Variants in ADAMTSL1 observed in about 807,000 individuals in gnomAD.
ADAMTSL1 encodes the protein ADAMTS-like protein 1.
Under a neutral mutation model 201.8 loss-of-function variants are expected in ADAMTSL1, and 126 were observed. The observed-to-expected ratio is 0.62, with a 90% CI of 0.54 to 0.72. The LOEUF is 0.72. Among genes scored for constraint, ADAMTSL1 ranks in the 30% least tolerant of loss-of-function variants. The pLI, the probability that ADAMTSL1 is intolerant of heterozygous loss-of-function variation, is 0.00. For synonymous variants in ADAMTSL1, 1,121 were observed against 903.4 expected, an observed-to-expected ratio of 1.24 and a Z score of -4.32; for missense variants, 2,679 against 2,277.8, an observed-to-expected ratio of 1.18 and a Z score of -3.59.
intron 20 of ADAMTSL1, among the ~76,000 whole-genome samples, chr9:18,814,659 C>G (rs1038739861): frequency 6.6e-6 from 1 of 152,152 alleles, no homozygotes; most frequent in African/African-American, 2.4e-5. Flanking sequence ...TGCATGTTCT[C>G]ACCTATAACT....
At chr9:17,921,616 G>A (rs1826304112) in intron 1 of ADAMTSL1, among the ~76,000 whole-genome samples, 1 of 152,042 alleles carries the variant, frequency 6.6e-6, no homozygotes, top group South Asian at 2.1e-4. Flanking sequence ...TTCTGGTTAT[G>A]AGGCACACTT....
In ADAMTSL1 at chr9:18,601,915, G is replaced by C. The variant is rs573538765; in HGVS notation, c.475-20328G>C. Among the ~76,000 whole-genome samples, 16 of 152,096 alleles carry C rather than the reference G, an allele frequency of 1.1e-4. 1 individual carries two copies. The South Asian group carries it at 3.3e-3, about 32-fold the overall frequency. ...GAAGGTTCTTAGAACTTTTAAAAATGACATTTTTATTGGTTAGAGATTCAG... is the reference window on the plus strand; with the variant it reads ...GAAGGTTCTTAGAACTTTTAAAAATCACATTTTTATTGGTTAGAGATTCAG... On this transcript the variant is annotated intron_variant, in intron 4 of 28. Transcript: ENST00000380548.
intron 2 of ADAMTSL1, among the ~76,000 whole-genome samples, chr9:18,329,899 T>A (rs1834963792): frequency 1.3e-5 from 2 of 152,226 alleles, no homozygotes; most frequent in African/African-American, 4.8e-5. Flanking sequence ...CAGGCCATGA[T>A]TTCTTGGAGT....
intron 1 of ADAMTSL1, among the ~76,000 whole-genome samples, chr9:17,952,933 C>A (rs1277130106): frequency 4.1e-5 from 1 of 24,618 alleles, no homozygotes; most frequent in East Asian, 0.02. Flanking sequence ...TCCTCCTCCT[C>A]CTCCTCCTCC....
Position 18,906,863 on chromosome 9 carries a change from G to C in ADAMTSL1, c.5133G>C (p.Gly1711=). ...TGCCTGAGCACCTGTGCTCCTGGGG[G>C]CCCCGGCCTGCCAACTGGCAGCGCT... ...KAVPEHLCSW[G]PRPANWQRCN... The change falls in exon 28 of 29, where the codon GGG becomes GGC. Residue 1711 remains glycine (G), a synonymous_variant. Transcript: ENST00000380548. The C allele has an allele frequency of 6.2e-7, 1 of 1,613,990 alleles. No homozygotes were observed. The highest frequency in any genetic ancestry group is 8.5e-7 in the Non-Finnish European group (1 of 1,179,882).
At chr9:18,540,487 G>T (rs1451330598) in intron 3 of ADAMTSL1, among the ~76,000 whole-genome samples, 1 of 152,154 alleles carries the variant, frequency 6.6e-6, no homozygotes, top group Non-Finnish European at 1.5e-5. Flanking sequence ...ATGTTTGGAA[G>T]GTGAGGCATG....
At chr9:18,837,414 G>A (rs558897439) in intron 23 of ADAMTSL1, among the ~76,000 whole-genome samples, 261 of 152,208 alleles carry the variant, frequency 1.7e-3, no homozygotes, top group African/African-American at 5.8e-3. Context: ...TCTTATATAC[G>A]TGGGTATATT....
chr9:18,248,447 T>A (rs1394694498), intron 2 of ADAMTSL1, among the ~76,000 whole-genome samples: 7 of 152,020 alleles, frequency 4.6e-5, no homozygotes. Flanking sequence ...AGGGGCTAAT[T>A]TCCAAAACAC....
At chr9:17,975,591 C>T (rs997572797) in intron 1 of ADAMTSL1, among the ~76,000 whole-genome samples, 9 of 152,028 alleles carry the variant, frequency 5.9e-5, no homozygotes, top group East Asian at 1.9e-4. Flanking sequence ...GGGTCACAAA[C>T]ATTGAGACCA....
chr9:18,200,568 A>T (rs1262550632), intron 2 of ADAMTSL1, among the ~76,000 whole-genome samples: 1 of 152,052 alleles, frequency 6.6e-6, no homozygotes, highest in African/African-American at 2.4e-5. Context: ...AACATGGGTT[A>T]TTATATGCAT....
chr9:18,020,717 C>A (rs374565158), intron 1 of ADAMTSL1, among the ~76,000 whole-genome samples: 2 of 152,184 alleles, frequency 1.3e-5, no homozygotes, highest in South Asian at 2.1e-4. Context: ...CAAACCATAT[C>A]ACCCGGGTTC....
chr9:18,313,433 A>C (rs2132806850), intron 2 of ADAMTSL1, among the ~76,000 whole-genome samples: 1 of 152,290 alleles, frequency 6.6e-6, no homozygotes, highest in South Asian at 2.1e-4. Context: ...AGTGGTTCTT[A>C]ACTTTGGACA....
chr9:18,556,802 C>G lies in ADAMTSL1; in HGVS notation c.238-17228C>G, dbSNP rs1438504287. ...CTCATATGTTAAGCCATTCATATGT[C>G]ACTTTAATTAAAATTATATTTAAAG... is the stretch of plus-strand genomic sequence containing the variant. On this transcript the variant is annotated intron_variant, in intron 3 of 28. Coordinates refer to ENST00000380548, the MANE Select transcript of ADAMTSL1 (RefSeq NM_001040272.6). Among the ~76,000 whole-genome samples the G allele has an allele frequency of 3.9e-5, 6 of 152,088 alleles. No homozygotes were observed. The East Asian group carries it at 9.7e-4, about 24-fold the overall frequency.
chr9:18,083,068 T>C (rs190072927), intron 1 of ADAMTSL1, among the ~76,000 whole-genome samples: 1 of 152,326 alleles, frequency 6.6e-6, no homozygotes, highest in East Asian at 1.9e-4. Flanking sequence ...TTTATTGCAA[T>C]AGCGTTATAG....
intron 1 of ADAMTSL1, among the ~76,000 whole-genome samples, chr9:18,065,294 A>G (rs1022335056): frequency 1.3e-5 from 2 of 152,098 alleles, no homozygotes; most frequent in African/African-American, 4.8e-5. Context: ...TTGGCTGGCA[A>G]TTTCTAGTCA....
rs551552196 is a variant in ADAMTSL1, at chr9:18,273,725, C to T, written c.207+109744C>T. Among the ~76,000 whole-genome samples the T allele has an allele frequency of 9.9e-5, 15 of 152,274 alleles. No individual in the cohort carries two copies. The South Asian group carries it at 2.9e-3, about 29-fold the overall frequency. ...ATTCAGATTCATTTCACTCACAATG[C>T]CAACCATGTGGTCAACTTCATCCAG... On this transcript the variant is annotated intron_variant, in intron 2 of 29. Coordinates refer to the ADAMTSL1 transcript ENST00000680146.
chr9:18,249,441 A>G (rs1267926671), intron 2 of ADAMTSL1, among the ~76,000 whole-genome samples: 1 of 152,180 alleles, frequency 6.6e-6, no homozygotes, highest in Non-Finnish European at 1.5e-5. Flanking sequence ...ACATATAGAG[A>G]CATTAACATA....
At chr9:18,643,356 A>T (rs1827569748) in intron 7 of ADAMTSL1, among the ~76,000 whole-genome samples, 1 of 151,700 alleles carries the variant, frequency 6.6e-6, no homozygotes, top group East Asian at 1.9e-4. Context: ...TTTTTTTTCC[A>T]TTCTGTAGGT....
intron 1 of ADAMTSL1, among the ~76,000 whole-genome samples, chr9:18,004,154 C>T (rs2131540049): frequency 6.6e-6 from 1 of 152,002 alleles, no homozygotes; most frequent in East Asian, 1.9e-4. Flanking sequence ...GGAAATGTTT[C>T]AGCTAGCAAT....
Sources: gnomAD v4.1 joint callset for allele counts (sites outside exome capture counted in the v4.1 genomes callset) on GRCh38, gnomAD v4.1.1 for gene constraint, MANE v1.5 for transcripts, NCBI Gene and HGNC (gene_info 2026-07-23, HGNC 2026-07-21) for gene names.